The following RP1 variants were observed in gnomAD, a reference collection of about 807,000 sequenced individuals.
RP1 encodes the protein oxygen-regulated protein 1.
A neutral mutation model predicts 14.8 loss-of-function variants in RP1; 16 were observed. The observed-to-expected ratio is 1.08, with a 90% CI of 0.73 to 1.65. RP1 has a LOEUF of 1.65. RP1 is among the 40% of genes most tolerant of loss of function. RP1 has a pLI of 0.00. For missense variants in RP1, 2,631 were observed against 2,535.0 expected (o/e 1.04, Z -0.81); for synonymous variants, 876 against 883.6 (o/e 0.99, Z 0.15).
chr8:54,859,351 T>C (rs1812285840), intron 27 of RP1, among the ~76,000 whole-genome samples: 3 of 151,134 alleles, frequency 2.0e-5, no homozygotes, highest in Admixed American at 2.0e-4. Context: ...GTGGTGTCCC[T>C]GTGGAGTGTG....
intron 24 of RP1, among the ~76,000 whole-genome samples, chr8:54,824,507 T>C (rs918798566): frequency 6.9e-6 from 1 of 143,974 alleles, no homozygotes; most frequent in African/African-American, 2.5e-5. Context: ...TATTAGTTTT[T>C]GCACAGTCCT....
chr8:54,653,767 T>C (rs964569271), intron 5 of RP1, among the ~76,000 whole-genome samples: 6 of 152,224 alleles, frequency 3.9e-5, no homozygotes, highest in Non-Finnish European at 7.4e-5. Context: ...CTGGCTTCTA[T>C]GTGAAATACT....
intron 1 of RP1, among the ~76,000 whole-genome samples, chr8:54,576,094 G>A (rs928828607): frequency 6.7e-6 from 1 of 149,982 alleles, no homozygotes; most frequent in Non-Finnish European, 1.5e-5. Context: ...AGGCTGGAGT[G>A]CAGTGGCGCA....
In RP1 at chr8:54,789,268, G is replaced by A. The variant is rs13256417; in HGVS notation, c.3615+5558G>A. ...ACCATGGAGCAAAACTAGTGGTACT[G>A]TCTGGCTAGAGAATACAGTCTGCAG... On this transcript the variant is annotated intron_variant, in intron 24 of 28. Transcript: ENST00000637698. 3.7e-3 allele frequency among the ~76,000 whole-genome samples: 558 copies of A among 152,312 alleles called. 1 individual carries two copies. The highest frequency in any genetic ancestry group is 5.6e-3 in the Non-Finnish European group (378 of 68,032).
chr8:54,600,604 A>T (rs1654574634), intron 1 of RP1, among the ~76,000 whole-genome samples: 1 of 152,158 alleles, frequency 6.6e-6, no homozygotes, highest in Non-Finnish European at 1.5e-5. Flanking sequence ...CACTGATATC[A>T]TCCAGTGTAG....
At chr8:54,747,245 C>A (rs1332356753) in intron 19 of RP1, among the ~76,000 whole-genome samples, 1 of 152,070 alleles carries the variant, frequency 6.6e-6, no homozygotes, top group Non-Finnish European at 1.5e-5. Context: ...CAGATCATGT[C>A]CCCTCATGTA....
At chr8:54,822,740 C>T (rs1004458008) in intron 24 of RP1, among the ~76,000 whole-genome samples, 3 of 152,190 alleles carry the variant, frequency 2.0e-5, no homozygotes, top group Non-Finnish European at 4.4e-5. Context: ...AGGACTGCCT[C>T]AGCCCTGCAG....
rs762475732 is a variant in RP1 at position 54,629,492 on chromosome 8, C to G, written c.5610C>G (p.Ser1870=). 5.3e-5 allele frequency: 85 copies of G among 1,613,990 alleles called. No homozygotes were observed. The highest frequency in any genetic ancestry group is 3.3e-4 in the Middle Eastern group (2 of 6,084). The change falls in exon 4 of 4, where the codon TCC becomes TCG. Residue 1870 remains serine, a synonymous_variant. Coordinates refer to ENST00000220676, the MANE Select transcript of RP1 (RefSeq NM_006269.2). ...GAGTATGCACATCTGTCACTCATTC[C>G]TTTATTTCTGCTGGTAACAAAGTCT... ...SERVCTSVTH[S]FISAGNKVYP... is the part of the protein sequence containing the mutation.
rs180917082 is a variant in RP1 at position 54,677,966 on chromosome 8, A to C, written c.1403-495A>C. Reference sequence around the variant, plus strand: ...CATTTAAAAAGAAATTTATACCTTCATGTGTACCAGGTGAGTCTATGTGCT... The same window carrying C: ...CATTTAAAAAGAAATTTATACCTTCCTGTGTACCAGGTGAGTCTATGTGCT... On this transcript the variant is annotated intron_variant, in intron 8 of 22. Coordinates refer to the RP1 transcript ENST00000636932. Among the ~76,000 whole-genome samples the C allele has an allele frequency of 2.0e-5, 3 of 152,304 alleles. No homozygotes were observed. In the East Asian group the frequency reaches 5.8e-4, roughly 29 times the overall value.
At chr8:54,569,702 G>C (rs1804480572) in intron 1 of RP1, among the ~76,000 whole-genome samples, 1 of 152,208 alleles carries the variant, frequency 6.6e-6, no homozygotes, top group African/African-American at 2.4e-5. Context: ...CCCAGTGGTT[G>C]TCAGGCACTG....
At chr8:54,856,622 G>T (rs1305714747) in intron 26 of RP1, among the ~76,000 whole-genome samples, 5 of 152,274 alleles carry the variant, frequency 3.3e-5, no homozygotes, top group Non-Finnish European at 7.4e-5. Flanking sequence ...CAGTCTCTTC[G>T]ACTGTGAAAT....
chr8:54,837,429 C>T, intron 24 of RP1: 5 of 1,140,012 alleles, frequency 4.4e-6, no homozygotes, highest in Non-Finnish European at 5.5e-6. Context: ...TTTTAGTTCC[C>T]TTTTATCCTT....
chr8:54,831,979 C>T (rs761793098), intron 24 of RP1, among the ~76,000 whole-genome samples: 13 of 151,674 alleles, frequency 8.6e-5, no homozygotes, highest in African/African-American at 1.7e-4. Flanking sequence ...GATGCTTTAT[C>T]GTATTCTGGC....
Position 54,852,573 on chromosome 8 carries a change from G to T in RP1, c.3836-1G>T, listed in dbSNP as rs1812080602. 8.1e-7 allele frequency: 1 copy of T among 1,231,128 alleles called. No individual in the cohort carries two copies. Among genetic ancestry groups the T allele is most frequent in the Non-Finnish European group, 1.0e-6 (1 of 987,214 alleles). 76.3% of individuals were successfully genotyped at this position (1,231,128 alleles called of 1,614,324 possible). A position where few individuals can be genotyped will look rare whatever the true frequency, so the allele number is the denominator to read the frequency against. Reference sequence around the variant, plus strand: ...ATAATATCAGATTTCTTACATTTCAGTGGTGCTTTATGAGATTCGCATATA... The same window carrying T: ...ATAATATCAGATTTCTTACATTTCATTGGTGCTTTATGAGATTCGCATATA... On this transcript the variant is annotated splice_acceptor_variant, in intron 25 of 28. Transcript: ENST00000637698. LOFTEE classifies it high-confidence loss of function.
intron 23 of RP1, among the ~76,000 whole-genome samples, chr8:54,776,483 A>C (rs1232043058): frequency 6.6e-6 from 1 of 152,250 alleles, no homozygotes; most frequent in Non-Finnish European, 1.5e-5. Context: ...ATTCTTGGCC[A>C]ACTAGGCCAT....
chr8:54,802,826 G>T lies in RP1; in HGVS notation c.3615+19116G>T, dbSNP rs1585705086. Among the ~76,000 whole-genome samples, 3 of 152,272 alleles carry T rather than the reference G, an allele frequency of 2.0e-5. No homozygotes were observed. The East Asian group carries it at 5.8e-4, about 29-fold the overall frequency. On this transcript the variant is annotated intron_variant, in intron 24 of 28. Coordinates refer to the RP1 transcript ENST00000637698. ...GCAGGATAGATGCAAAAAGCTTTAT[G>T]GGCTCAGAGAAAGGATCTACAGTTC...
exon 15 of RP1, chr8:54,706,519 G>T (rs931319764): frequency 1.3e-6 from 2 of 1,535,814 alleles, no homozygotes; most frequent in African/African-American, 1.4e-5. Flanking sequence ...CCTGATGGAA[G>T]CTGCACTGGA....
intron 27 of RP1, among the ~76,000 whole-genome samples, chr8:54,860,115 T>C (rs1812309094): frequency 6.6e-6 from 1 of 152,092 alleles, no homozygotes; most frequent in African/African-American, 2.4e-5. Flanking sequence ...AAGGTGAAAA[T>C]ATTATAGCCA....
At chr8:54,679,297 G>A (rs1243805267) in intron 9 of RP1, 1 of 815,804 alleles carries the variant, frequency 1.2e-6, no homozygotes, top group Non-Finnish European at 2.0e-6. Flanking sequence ...CTGCCTTTGA[G>A]AGCCAGATAG....
Sources: allele counts gnomAD v4.1 joint callset (sites outside exome capture counted in the v4.1 genomes callset), GRCh38; gene constraint gnomAD v4.1.1; transcripts MANE v1.5; gene names NCBI Gene and HGNC (gene_info 2026-07-23, HGNC 2026-07-21).